The following EEFSEC variants were observed in gnomAD, a reference collection of about 807,000 sequenced individuals.
EEFSEC encodes the protein eukaryotic elongation factor, selenocysteine-tRNA specific.
Under a neutral mutation model 42.1 loss-of-function variants are expected in EEFSEC, and 43 were observed. That is an observed-to-expected ratio of 1.02 (90% CI 0.80 to 1.32). The LOEUF is 1.32. Among genes scored for constraint, EEFSEC ranks in the 40% most tolerant of loss-of-function variants. The pLI is 0.00. For synonymous variants in EEFSEC, 354 were observed against 339.1 expected, an observed-to-expected ratio of 1.04 and a Z score of -0.48; for missense variants, 745 against 803.6, an observed-to-expected ratio of 0.93 and a Z score of 0.88.
intron 1 of EEFSEC, among the ~76,000 whole-genome samples, chr3:128,206,933 T>C (rs1278906386): frequency 1.3e-5 from 2 of 151,760 alleles, no homozygotes; most frequent in African/African-American, 2.4e-5. Flanking sequence ...CAGCCAGGAG[T>C]CCGCACCAAA....
chr3:128,227,537 C>T (rs1350206892), intron 1 of EEFSEC, among the ~76,000 whole-genome samples: 1 of 152,186 alleles, frequency 6.6e-6, no homozygotes, highest in East Asian at 1.9e-4. Context: ...AGAGGAGGGG[C>T]TCTCTGTGGC....
At chr3:128,257,923 A>G (rs1383509115) in intron 2 of EEFSEC, among the ~76,000 whole-genome samples, 1 of 152,216 alleles carries the variant, frequency 6.6e-6, no homozygotes, top group Non-Finnish European at 1.5e-5. Flanking sequence ...GGATGTCCTT[A>G]AAGTGACCAG....
At chr3:128,332,598 C>T (rs1355964959) in intron 4 of EEFSEC, among the ~76,000 whole-genome samples, 1 of 152,174 alleles carries the variant, frequency 6.6e-6, no homozygotes, top group South Asian at 2.1e-4. Flanking sequence ...ATTACAGGCA[C>T]CCGCCATAAT....
intron 4 of EEFSEC, among the ~76,000 whole-genome samples, chr3:128,323,928 C>G (rs741926): frequency 3.9e-5 from 6 of 152,308 alleles, no homozygotes; most frequent in East Asian, 3.9e-4. Flanking sequence ...AGCGCCTCCC[C>G]CCCTGTGGCA....
intron 3 of EEFSEC, 114 bp downstream of exon 3, chr3:128,262,338 C>G: frequency 3.3e-6 from 3 of 901,954 alleles, no homozygotes; most frequent in Non-Finnish European, 5.2e-6. Context: ...CAAGAGGACT[C>G]AGTTGGTTCC....
chr3:128,244,264 C>T (rs953802867), intron 1 of EEFSEC, among the ~76,000 whole-genome samples: 12 of 152,316 alleles, frequency 7.9e-5, no homozygotes, highest in East Asian at 1.9e-4. Flanking sequence ...GGTTAGGACC[C>T]GGAAGACAGT....
intron 1 of EEFSEC, 137 bp downstream of exon 1, chr3:128,153,960 G>C: frequency 7.7e-7 from 1 of 1,294,428 alleles, no homozygotes; most frequent in Non-Finnish European, 1.0e-6. Flanking sequence ...CGCCCCAAGA[G>C]GCGGACGTGA....
At chr3:128,212,867 A>C (rs1159795388) in intron 1 of EEFSEC, among the ~76,000 whole-genome samples, 1 of 152,176 alleles carries the variant, frequency 6.6e-6, no homozygotes, top group Non-Finnish European at 1.5e-5. Context: ...CAGCCTCCCC[A>C]GGCAGTGATG....
intron 6 of EEFSEC, among the ~76,000 whole-genome samples, chr3:128,393,068 C>T (rs573517512): frequency 2.0e-5 from 3 of 152,364 alleles, no homozygotes; most frequent in African/African-American, 4.8e-5. Context: ...CTTTTCCCAG[C>T]GCCCAGGCAC....
chr3:128,266,949 A>G (rs776606126), intron 4 of EEFSEC, among the ~76,000 whole-genome samples: 1 of 152,166 alleles, frequency 6.6e-6, no homozygotes, highest in Non-Finnish European at 1.5e-5. Context: ...ATTTCTTTCC[A>G]GTCTCTGTGC....
chr3:128,270,537 A>AC (rs1261934164), intron 4 of EEFSEC, among the ~76,000 whole-genome samples: 1 of 150,416 alleles, frequency 6.6e-6, no homozygotes, highest in Admixed American at 6.6e-5. Flanking sequence ...TTCATTGAAA[A>AC]CCCCCCAGAA....
At chr3:128,171,832 T>A (rs1187840049) in intron 1 of EEFSEC, among the ~76,000 whole-genome samples, 3 of 142,258 alleles carry the variant, frequency 2.1e-5, no homozygotes, top group African/African-American at 5.1e-5. Flanking sequence ...TTGAAAATAT[T>A]AAAAAAAAAA....
chr3:128,293,672 A>AAAAAAC (rs1553752126), intron 4 of EEFSEC, among the ~76,000 whole-genome samples: 1 of 12,328 alleles, frequency 8.1e-5, no homozygotes, highest in African/African-American at 1.3e-4. Context: ...AAAAAAAAAA[A>AAAAAAC]AAAAAAAAAA....
chr3:128,348,622 CCT>C (rs2067345513), intron 5 of EEFSEC, among the ~76,000 whole-genome samples: 1 of 152,134 alleles, frequency 6.6e-6, no homozygotes, highest in Non-Finnish European at 1.5e-5. Context: ...CTATTAGCTT[CCT>C]CTGTTTATGG....
chr3:128,203,083 G>A (rs188911881), intron 1 of EEFSEC, among the ~76,000 whole-genome samples: 15 of 152,206 alleles, frequency 9.9e-5, no homozygotes, highest in African/African-American at 3.1e-4. Flanking sequence ...TTCCAGGAAT[G>A]GATTATTTGG....
Position 128,341,523 on chromosome 3 carries a change from C to G in EEFSEC, c.1077C>G (p.Asp359Glu). The G allele has an allele frequency of 6.2e-7, 1 of 1,614,120 alleles. No homozygotes were observed. The highest frequency in any genetic ancestry group is 8.5e-7 in the Non-Finnish European group (1 of 1,180,040). Reference protein sequence around the residue: ...MFFSPAPDNFDQEPILDSFNF... With the variant: ...MFFSPAPDNFEQEPILDSFNF... ...TCAGTCCTGCTCCAGATAACTTTGA[C>G]CAGGAGCCTATACTGGACTCTTTCA... The change falls in exon 5 of 7, where the codon GAC becomes GAG. Residue 359 changes from aspartate (D) to glutamate (E), a missense_variant. By Grantham distance (45) the Asp-to-Glu change is conservative (BLOSUM62 2). Transcript: ENST00000254730.
chr3:128,412,046 G>A (rs1485721362), downstream of EEFSEC, among the ~76,000 whole-genome samples: 1 of 152,216 alleles, frequency 6.6e-6, no homozygotes, highest in Non-Finnish European at 1.5e-5. Flanking sequence ...GTGTGGGAGT[G>A]GGGTGAAGGA....
At chr3:128,243,632 G>C (rs148508093) in intron 1 of EEFSEC, among the ~76,000 whole-genome samples, 34 of 152,348 alleles carry the variant, frequency 2.2e-4, no homozygotes, top group African/African-American at 7.0e-4. Flanking sequence ...ATGGAGCCGG[G>C]TGGGGCATCA....
chr3:128,199,700 C>T (rs754394568), intron 1 of EEFSEC, among the ~76,000 whole-genome samples: 3 of 151,980 alleles, frequency 2.0e-5, no homozygotes, highest in Non-Finnish European at 4.4e-5. Flanking sequence ...ATTGCCCCTC[C>T]CTGCAAAAAA....
Sources: gnomAD v4.1 joint callset for allele counts (sites outside exome capture counted in the v4.1 genomes callset) on GRCh38, gnomAD v4.1.1 for gene constraint, MANE v1.5 for transcripts, NCBI Gene and HGNC (gene_info 2026-07-23, HGNC 2026-07-21) for gene names.